Variants in WWOX observed in about 807,000 individuals in gnomAD.
WWOX encodes WW domain containing oxidoreductase.
Under a neutral mutation model 46.2 loss-of-function variants are expected in WWOX, and 69 were observed. The ratio of observed to expected loss-of-function variants is 1.49; its 90% CI spans 1.23 to 1.82. The LOEUF (loss-of-function observed/expected upper bound fraction) is 1.82, where lower values mean the gene tolerates loss of function less well. WWOX is among the 40% of genes most tolerant of loss of function. The pLI is 0.00. For missense variants in WWOX, 919 were observed against 542.6 expected, an observed-to-expected ratio of 1.69 and a Z score of -6.89; for synonymous variants, 359 against 202.6, an observed-to-expected ratio of 1.77 and a Z score of -6.56.
chr16:78,251,166 C>T (rs1323850112), intron 5 of WWOX, among the ~76,000 whole-genome samples: 1 of 152,182 alleles, frequency 6.6e-6, no homozygotes, highest in Non-Finnish European at 1.5e-5. Flanking sequence ...AGTTCTGGCT[C>T]TTCCCATCTA....
At chr16:78,997,126 C>T (rs1325260144) in intron 8 of WWOX, among the ~76,000 whole-genome samples, 3 of 151,314 alleles carry the variant, frequency 2.0e-5, no homozygotes, top group Non-Finnish European at 1.5e-5. Flanking sequence ...GACATATGTT[C>T]GAGTGGTTCG....
chr16:78,862,438 G>GTA (rs1007839247), intron 8 of WWOX, among the ~76,000 whole-genome samples: 8 of 151,694 alleles, frequency 5.3e-5, no homozygotes, highest in East Asian at 1.9e-4. Context: ...AGTGTATAAT[G>GTA]TATATATATA....
At chr16:78,624,631 G>A (rs756999849) in intron 8 of WWOX, among the ~76,000 whole-genome samples, 3 of 152,078 alleles carry the variant, frequency 2.0e-5, no homozygotes, top group Non-Finnish European at 4.4e-5. Context: ...CATTTCTATG[G>A]CAAGCTGAGA....
rs868409731 is a variant in WWOX, at chr16:78,261,818, A to G, written c.516+97529A>G. ...TATATATATATATATATATATATAT[A>G]CTTATAATGTGGTGGGTTCTCGAAT... is the stretch of plus-strand genomic sequence containing the variant. On this transcript the variant is annotated intron_variant, in intron 5 of 8. Coordinates refer to ENST00000566780, the MANE Select transcript of WWOX (RefSeq NM_016373.4). Among the ~76,000 whole-genome samples the G allele has an allele frequency of 3.7e-4, 53 of 144,860 alleles. 1 individual carries two copies. The highest frequency in any genetic ancestry group is 1.3e-3 in the African/African-American group (51 of 39,226).
chr16:78,630,774 G>C (rs778308418), intron 8 of WWOX, among the ~76,000 whole-genome samples: 1 of 152,184 alleles, frequency 6.6e-6, no homozygotes, highest in Non-Finnish European at 1.5e-5. Flanking sequence ...TGGCGTTTCA[G>C]TGCCTGACAC....
At chr16:78,372,464 G>A (rs1356008185) in intron 5 of WWOX, among the ~76,000 whole-genome samples, 1 of 152,200 alleles carries the variant, frequency 6.6e-6, no homozygotes, top group South Asian at 2.1e-4. Flanking sequence ...GTTGCTCCAT[G>A]ACAGTCAATG....
At chr16:78,212,708 G>A (rs1183301450) in intron 5 of WWOX, among the ~76,000 whole-genome samples, 2 of 152,186 alleles carry the variant, frequency 1.3e-5, no homozygotes, top group East Asian at 3.9e-4. Context: ...CCCTTGGGAG[G>A]CCTGCCTGGT....
intron 8 of WWOX, among the ~76,000 whole-genome samples, chr16:78,707,401 G>A (rs960932062): frequency 6.6e-6 from 1 of 152,192 alleles, no homozygotes; most frequent in African/African-American, 2.4e-5. Context: ...CTCACCAGGA[G>A]CATTGCTCCT....
chr16:78,399,627 A>C (rs909181341), intron 6 of WWOX, among the ~76,000 whole-genome samples: 1 of 152,196 alleles, frequency 6.6e-6, no homozygotes, highest in African/African-American at 2.4e-5. Context: ...CAGGGTTTCA[A>C]CATTTGGTTA....
At chr16:78,179,786 G>A (rs1435541706) in intron 5 of WWOX, 1 of 152,238 alleles carries the variant, frequency 6.6e-6, no homozygotes, top group African/African-American at 2.4e-5. Context: ...CAGCAACAGA[G>A]GTGCGTACCA....
At chr16:79,064,565 A>C (rs977565651) in intron 8 of WWOX, among the ~76,000 whole-genome samples, 1 of 152,204 alleles carries the variant, frequency 6.6e-6, no homozygotes, top group Non-Finnish European at 1.5e-5. Flanking sequence ...GCGGATTCTC[A>C]TGTGGCTTAT....
intron 8 of WWOX, among the ~76,000 whole-genome samples, chr16:79,173,034 A>G (rs908564847): frequency 3.3e-5 from 5 of 152,172 alleles, no homozygotes; most frequent in African/African-American, 1.2e-4. Flanking sequence ...ATAAGTAAAT[A>G]AATGCCTCTG....
intron 8 of WWOX, among the ~76,000 whole-genome samples, chr16:78,649,992 A>T (rs1339984288): frequency 6.6e-6 from 1 of 152,090 alleles, no homozygotes. Context: ...GTTCCATTGT[A>T]TATTTTTTTC....
At chr16:78,214,188 T>C (rs2036646627) in intron 5 of WWOX, among the ~76,000 whole-genome samples, 1 of 152,172 alleles carries the variant, frequency 6.6e-6, no homozygotes, top group African/African-American at 2.4e-5. Context: ...CCTATCTCCC[T>C]GTCAGTGCTT....
intron 5 of WWOX, among the ~76,000 whole-genome samples, chr16:78,191,417 C>T (rs776063838): frequency 3.3e-5 from 5 of 152,114 alleles, no homozygotes; most frequent in Non-Finnish European, 5.9e-5. Flanking sequence ...AAAATAGCAT[C>T]GTAATGAGTT....
chr16:79,181,099 C>G (rs907590858), intron 8 of WWOX, among the ~76,000 whole-genome samples: 1 of 152,194 alleles, frequency 6.6e-6, no homozygotes, highest in Non-Finnish European at 1.5e-5. Flanking sequence ...TGCTCTACCT[C>G]TTCCCTTTGC....
chr16:78,965,382 A>G (rs1246299939), intron 8 of WWOX, among the ~76,000 whole-genome samples: 1 of 152,104 alleles, frequency 6.6e-6, no homozygotes, highest in South Asian at 2.1e-4. Flanking sequence ...TAGCCTGGTC[A>G]ACATGGTGAA....
intron 4 of WWOX, among the ~76,000 whole-genome samples, chr16:78,127,839 C>T (rs956375547): frequency 1.3e-5 from 2 of 152,106 alleles, no homozygotes; most frequent in African/African-American, 2.4e-5. Flanking sequence ...GTTTTATTGG[C>T]GTCTACTGGA....
intron 5 of WWOX, among the ~76,000 whole-genome samples, chr16:78,317,670 C>G (rs2080383317): frequency 6.6e-6 from 1 of 152,048 alleles, no homozygotes; most frequent in South Asian, 2.1e-4. Context: ...AGGCTCTGGA[C>G]TCCTGCTCTC....
Sources: gnomAD v4.1 joint callset for allele counts (sites outside exome capture counted in the v4.1 genomes callset) on GRCh38, gnomAD v4.1.1 for gene constraint, MANE v1.5 for transcripts, NCBI Gene and HGNC (gene_info 2026-07-23, HGNC 2026-07-21) for gene names.